MAN1B1: variants seen among roughly 807,000 people sequenced by gnomAD.
The protein encoded by MAN1B1 is endoplasmic reticulum mannosyl-oligosaccharide 1,2-alpha-mannosidase.
Under a neutral mutation model 75.5 loss-of-function variants are expected in MAN1B1, and 66 were observed. The ratio of observed to expected loss-of-function variants is 0.87; its 90% CI spans 0.72 to 1.07. The LOEUF (loss-of-function observed/expected upper bound fraction) is 1.07, where lower values mean the gene tolerates loss of function less well. Among genes scored for constraint, MAN1B1 ranks in the 50% least tolerant of loss-of-function variants. MAN1B1 has a pLI of 0.00. For missense variants in MAN1B1, 973 were observed against 912.5 expected, an observed-to-expected ratio of 1.07 and a Z score of -0.85; for synonymous variants, 453 against 382.8, an observed-to-expected ratio of 1.18 and a Z score of -2.14.
chr9:137,089,055 C>T (rs778838753), intron 3 of MAN1B1, 50 bp downstream of exon 3: 1 of 1,600,010 alleles, frequency 6.2e-7, no homozygotes, highest in South Asian at 1.1e-5. Context: ...AATCCAGAGG[C>T]ATTTCAAACC....
At position 137,108,726 on chromosome 9, in the gene MAN1B1, C is replaced by G. The variant is rs540763043; in HGVS notation, c.*135C>G. 1.2e-6 allele frequency: 1 copy of G among 819,164 alleles called. No homozygotes were observed. The highest frequency in any genetic ancestry group is 1.7e-5 in the African/African-American group (1 of 59,528). The allele number at this position is 819,164 out of a possible 1,614,324, so 50.7% of individuals were successfully genotyped here. A position where few individuals can be genotyped will look rare whatever the true frequency, so the allele number is the denominator to read the frequency against. ...TCTGAACTGGCTCTGGGCTCCTCCTCGTCTCTGCTTTAATCAGGACACCGT... is the reference window on the plus strand; with the variant it reads ...TCTGAACTGGCTCTGGGCTCCTCCTGGTCTCTGCTTTAATCAGGACACCGT... On this transcript the variant is annotated 3_prime_UTR_variant, in exon 13 of 13. Transcript: ENST00000371589.
At chr9:137,094,152 T>C (rs1830593528) in intron 3 of MAN1B1, among the ~76,000 whole-genome samples, 1 of 151,548 alleles carries the variant, frequency 6.6e-6, no homozygotes, top group Admixed American at 6.6e-5. Flanking sequence ...GTAGCTGGGA[T>C]TACAGGGATG....
In MAN1B1 at chr9:137,105,951, A is replaced by G. The variant is rs141019473; in HGVS notation, c.1255-174A>G. 3,358 of 703,500 alleles carry G rather than the reference A, an allele frequency of 4.8e-3. 27 individuals are homozygous for G. The highest frequency in any genetic ancestry group is 0.023 in the African/African-American group (1,306 of 57,338). 43.6% of individuals were successfully genotyped at this position (703,500 alleles called of 1,614,324 possible). A position where few individuals can be genotyped will look rare whatever the true frequency, so the allele number is the denominator to read the frequency against. On this transcript the variant is annotated intron_variant, in intron 8 of 12. Coordinates refer to ENST00000371589, the MANE Select transcript of MAN1B1 (RefSeq NM_016219.5). Reference sequence around the variant, plus strand: ...ACTGGTGGCTGTGTGGCTGTGTGGTACGGCCACCAGGAGCCATGTGGGCAA... The same window carrying G: ...ACTGGTGGCTGTGTGGCTGTGTGGTGCGGCCACCAGGAGCCATGTGGGCAA...
At position 137,108,375 on chromosome 9, in the gene MAN1B1, G is replaced by C. The variant is rs763124851; in HGVS notation, c.1897-13G>C. ...GCCCCCCGTGTGGTGACGAGGCCCT[G>C]GCTGCTGCACAGGTCCCCTCGGGTG... On this transcript the variant is annotated splice_polypyrimidine_tract_variant and intron_variant, in intron 12 of 12. Transcript: ENST00000371589. 17 of 1,612,726 alleles carry C rather than the reference G, an allele frequency of 1.1e-5. No homozygotes were observed. Among genetic ancestry groups the C allele is most frequent in the Non-Finnish European group, 1.4e-5 (16 of 1,179,382 alleles).
chr9:137,106,938 G>C, intron 10 of MAN1B1, 129 bp downstream of exon 10: 1 of 1,322,706 alleles, frequency 7.6e-7, no homozygotes, highest in South Asian at 1.4e-5. Flanking sequence ...GGTGGACCGT[G>C]GCTGCCTGGC....
In MAN1B1 at chr9:137,108,895, G is replaced by A. The variant is rs770014056; in HGVS notation, c.*304G>A. ...GTCTCTGTGGGCCGACCAGAGGGGG[G>A]CTTCGAGGTGGTCCCTGGTACTGGG... On this transcript the variant is annotated 3_prime_UTR_variant, in exon 13 of 13. Transcript: ENST00000371589. 60 of 545,884 alleles carry A rather than the reference G, an allele frequency of 1.1e-4. No individual in the cohort carries two copies. The highest frequency in any genetic ancestry group is 1.8e-4 in the Admixed American group (8 of 44,962). 33.8% of individuals were successfully genotyped at this position (545,884 alleles called of 1,614,324 possible). A position where few individuals can be genotyped will look rare whatever the true frequency, so the allele number is the denominator to read the frequency against.
intron 5 of MAN1B1, 37 bp downstream of exon 5, chr9:137,097,974 T>A: frequency 6.7e-7 from 1 of 1,483,006 alleles, no homozygotes; most frequent in Non-Finnish European, 9.2e-7. Flanking sequence ...CCCCGGGCGC[T>A]CAGGGGCTGG....
Position 137,088,952 on chromosome 9 carries a change from G to C in MAN1B1, c.412G>C (p.Ala138Pro), listed in dbSNP as rs1472765738. ...LKPANPPVLP[A>P]PQKADTDPEN... ...ACCAGCAAATCCACCCGTCTTACCA[G>C]CTCCTCAGAAGGCGGACACCGACCC... The change falls in exon 3 of 13, where the codon GCT (alanine) becomes CCT (proline). Residue 138 changes from alanine (A) to proline (P), a missense_variant. Transcript: ENST00000371589. The C allele has an allele frequency of 1.2e-6, 2 of 1,614,026 alleles. No individual in the cohort carries two copies. The highest frequency in any genetic ancestry group is 1.7e-5 in the Admixed American group (1 of 60,028).
chr9:137,104,026 C>G (rs1831005059), intron 8 of MAN1B1: 1 of 457,070 alleles, frequency 2.2e-6, no homozygotes, highest in African/African-American at 2.0e-5. Context: ...TGCAGGAGTA[C>G]AGGTCAGTGG....
intron 3 of MAN1B1, among the ~76,000 whole-genome samples, chr9:137,095,041 A>G (rs1322948736): frequency 2.0e-5 from 3 of 150,874 alleles, no homozygotes; most frequent in African/African-American, 7.3e-5. Flanking sequence ...TACAAAAATT[A>G]GCCAGGTGTG....
rs540763043 is a variant in MAN1B1 at position 137,108,726 on chromosome 9, C to A, written c.*135C>A. On this transcript the variant is annotated 3_prime_UTR_variant, in exon 13 of 13. Transcript: ENST00000371589. ...TCTGAACTGGCTCTGGGCTCCTCCT[C>A]GTCTCTGCTTTAATCAGGACACCGT... The A allele has an allele frequency of 1.5e-5, 12 of 819,164 alleles. No individual in the cohort carries two copies. The highest frequency in any genetic ancestry group is 3.8e-5 in the Admixed American group (2 of 52,560). The allele number at this position is 819,164 out of a possible 1,614,324, so 50.7% of individuals were successfully genotyped here.
chr9:137,088,570 C>G, intron 2 of MAN1B1: 1 of 820,060 alleles, frequency 1.2e-6, no homozygotes, highest in South Asian at 1.5e-5. Context: ...GTCTAAGATG[C>G]TTCTCTTTGG....
chr9:137,099,110 G>A (rs1458116099), intron 5 of MAN1B1, among the ~76,000 whole-genome samples: 4 of 152,184 alleles, frequency 2.6e-5, no homozygotes, highest in Non-Finnish European at 2.9e-5. Context: ...GATTACAGGC[G>A]GGAGCCACCG....
chr9:137,106,961 G>A (rs910948822), intron 10 of MAN1B1, 152 bp downstream of exon 10: 18 of 1,152,182 alleles, frequency 1.6e-5, no homozygotes, highest in African/African-American at 1.2e-4. Context: ...GGCCTGTCTT[G>A]GCAACAGGGC....
At position 137,097,971 on chromosome 9, in the gene MAN1B1, C is replaced by T. The variant is rs188926487; in HGVS notation, c.730+34C>T. ...ACACCTGCACCCCTTCCTCCCCGGGCGCTCAGGGGCTGGTGGCTGATGGGT... is the reference window on the plus strand; with the variant it reads ...ACACCTGCACCCCTTCCTCCCCGGGTGCTCAGGGGCTGGTGGCTGATGGGT... On this transcript the variant is annotated intron_variant, in intron 5 of 12. Coordinates refer to ENST00000371589, the MANE Select transcript of MAN1B1 (RefSeq NM_016219.5). 5,200 of 1,485,490 alleles carry T rather than the reference C, an allele frequency of 3.5e-3. 14 individuals are homozygous for T. The highest frequency in any genetic ancestry group is 5.6e-3 in the Admixed American group (287 of 50,906). The allele number at this position is 1,485,490 out of a possible 1,614,324, so 92.0% of individuals were successfully genotyped here.
rs534967836 is a variant in MAN1B1 at position 137,096,332 on chromosome 9, A to C, written c.561A>C (p.Lys187Asn). The C allele has an allele frequency of 1.2e-6, 2 of 1,614,040 alleles. No individual in the cohort carries two copies. The highest frequency in any genetic ancestry group is 4.5e-5 in the East Asian group (2 of 44,876). Residue 187 changes from lysine (K) to asparagine (N), a missense_variant, in exon 4 of 13, where the codon AAA (lysine) becomes AAC (asparagine). Physicochemically the swap from Lys to Asn is moderately conservative, Grantham distance 94. Transcript: ENST00000371589. ...ATGGGACCCAGGAGGAGGCCACAAAAAGGCAAGAAGCCCCTGTGGATCCCC... is the reference window on the plus strand; with the variant it reads ...ATGGGACCCAGGAGGAGGCCACAAACAGGCAAGAAGCCCCTGTGGATCCCC... ...LKDGTQEEAT[K>N]RQEAPVDPRP... is the part of the protein sequence containing the mutation.
At chr9:137,100,012 C>A (rs1334306792) in intron 6 of MAN1B1, 131 bp downstream of exon 6, 4 of 1,032,916 alleles carry the variant, frequency 3.9e-6, no homozygotes, top group South Asian at 2.7e-5. Context: ...CTCCTGGGTG[C>A]GGGAGTGGAC....
In MAN1B1 at chr9:137,101,581, G is replaced by A. The variant is rs778873022; in HGVS notation, c.1163G>A (p.Arg388Gln). Residue 388 changes from arginine (R) to glutamine (Q), a missense_variant, in exon 8 of 13, where the codon CGG (arginine) becomes CAG (glutamine). Arg to Gln is a conservative substitution (Grantham distance 43). Transcript: ENST00000371589. ...NIGTGVAHPP[R>Q]WTSDSTVAEV... ...GGTACTGGAGTTGCCCACCCGCCAC[G>A]GTGGACCTCCGACAGCACTGTGGCC... 6.2e-6 allele frequency: 10 copies of A among 1,613,756 alleles called. No homozygotes were observed. The highest frequency in any genetic ancestry group is 4.5e-5 in the East Asian group (2 of 44,898).
rs202157161 is a variant in MAN1B1 at position 137,101,063 on chromosome 9, C to T, written c.975C>T (p.Asp325=). Residue 325 remains aspartate, a synonymous_variant, in exon 7 of 13, where the codon GAC becomes GAT. Coordinates refer to ENST00000371589, the MANE Select transcript of MAN1B1 (RefSeq NM_016219.5). ...AGTTACACTTTGAAAAGGACGTGGA[C>T]GTCAACCTGTTTGAGAGCACGATCC... is the stretch of plus-strand genomic sequence containing the variant. The part of the protein sequence containing the change: ...SKKLHFEKDV[D]VNLFESTIRI... 66 of 1,614,170 alleles carry T rather than the reference C, an allele frequency of 4.1e-5. No individual in the cohort carries two copies. Among genetic ancestry groups the T allele is most frequent in the Middle Eastern group, 1.7e-4 (1 of 6,060 alleles).
Sources: allele counts gnomAD v4.1 joint callset (sites outside exome capture counted in the v4.1 genomes callset), GRCh38; gene constraint gnomAD v4.1.1; transcripts MANE v1.5; gene names NCBI Gene and HGNC (gene_info 2026-07-23, HGNC 2026-07-21).